Variants in SLC12A8 observed in about 807,000 individuals in gnomAD.
The protein encoded by SLC12A8 is cation-chloride cotransporter 9.
SLC12A8 carries 69 observed loss-of-function variants against 75.6 expected under a neutral mutation model. The observed-to-expected ratio is 0.91, with a 90% CI of 0.75 to 1.11. SLC12A8 has a LOEUF of 1.11. SLC12A8 is among the 50% of genes most tolerant of loss of function. The pLI, the probability that SLC12A8 is intolerant of heterozygous loss-of-function variation, is 0.00. For synonymous variants in SLC12A8, 365 were observed against 372.8 expected (o/e 0.98, Z 0.24); for missense variants, 877 against 896.7 (o/e 0.98, Z 0.28).
chr3:125,102,486 G>A (rs1031455055), intron 10 of SLC12A8, among the ~76,000 whole-genome samples: 1 of 152,164 alleles, frequency 6.6e-6, no homozygotes, highest in African/African-American at 2.4e-5. Flanking sequence ...GAGACATGAT[G>A]AGAGTTTTAT....
At chr3:125,155,625 G>GCGGGCAA (rs538840861) in intron 5 of SLC12A8, among the ~76,000 whole-genome samples, 1 of 119,586 alleles carries the variant, frequency 8.4e-6, no homozygotes, top group African/African-American at 3.0e-5. Context: ...CAAAAAAGTA[G>GCGGGCAA]CTGTAGTCCC....
chr3:125,144,947 C>T (rs1933735991), intron 5 of SLC12A8, among the ~76,000 whole-genome samples: 1 of 152,226 alleles, frequency 6.6e-6, no homozygotes, highest in South Asian at 2.1e-4. Flanking sequence ...GCTCAGACCC[C>T]TTCCCCACCA....
intron 10 of SLC12A8, among the ~76,000 whole-genome samples, chr3:125,104,345 G>A (rs553301940): frequency 6.6e-6 from 1 of 151,736 alleles, no homozygotes; most frequent in Admixed American, 6.6e-5. Flanking sequence ...CTGGCCTCAG[G>A]TGATCCTCCT....
chr3:125,121,421 G>C (rs1933058064), intron 6 of SLC12A8, among the ~76,000 whole-genome samples: 1 of 152,232 alleles, frequency 6.6e-6, no homozygotes, highest in South Asian at 2.1e-4. Flanking sequence ...TAACAACTCA[G>C]TGTGATGGGC....
At chr3:125,182,360 G>T (rs1241226076) in intron 4 of SLC12A8, among the ~76,000 whole-genome samples, 1 of 151,566 alleles carries the variant, frequency 6.6e-6, no homozygotes, top group Non-Finnish European at 1.5e-5. Context: ...ATGGAGAATA[G>T]AAATGAGCCA....
chr3:125,100,080 A>G (rs1938828861), intron 10 of SLC12A8, among the ~76,000 whole-genome samples: 1 of 152,258 alleles, frequency 6.6e-6, no homozygotes, highest in Non-Finnish European at 1.5e-5. Context: ...ACTTCAAGAC[A>G]AAAATGATCC....
At chr3:125,144,037 TGG>T (rs1933712719) in intron 5 of SLC12A8, among the ~76,000 whole-genome samples, 1 of 152,218 alleles carries the variant, frequency 6.6e-6, no homozygotes, top group South Asian at 2.1e-4. Flanking sequence ...TTTCTCATAA[TGG>T]CCTTGGGGTC....
intron 10 of SLC12A8, among the ~76,000 whole-genome samples, chr3:125,094,767 T>C (rs1938671485): frequency 6.6e-6 from 1 of 152,226 alleles, no homozygotes; most frequent in African/African-American, 2.4e-5. Context: ...ATCCCATTAT[T>C]TCCTCAACCC....
intron 5 of SLC12A8, among the ~76,000 whole-genome samples, chr3:125,138,918 G>A (rs1411742523): frequency 6.6e-6 from 1 of 151,590 alleles, no homozygotes; most frequent in East Asian, 1.9e-4. Context: ...AGCTACTCAA[G>A]AGGCTGGGGT....
At chr3:125,093,918 A>T (rs1938646584) in intron 10 of SLC12A8, among the ~76,000 whole-genome samples, 1 of 152,102 alleles carries the variant, frequency 6.6e-6, no homozygotes, top group African/African-American at 2.4e-5. Context: ...TTGCTTGTTA[A>T]ATATTTCAGC....
chr3:125,094,248 T>C (rs965218645), intron 10 of SLC12A8, among the ~76,000 whole-genome samples: 5 of 152,280 alleles, frequency 3.3e-5, no homozygotes, highest in African/African-American at 9.6e-5. Context: ...TTTAGATAGT[T>C]TGCCTTAGTA....
chr3:125,085,028 A>G (rs751846832), intron 13 of SLC12A8, among the ~76,000 whole-genome samples: 1 of 152,246 alleles, frequency 6.6e-6, no homozygotes, highest in Non-Finnish European at 1.5e-5. Flanking sequence ...GAAAGTTTCA[A>G]CGGACTCTGG....
intron 5 of SLC12A8, among the ~76,000 whole-genome samples, chr3:125,155,285 G>C (rs969688875): frequency 6.6e-6 from 1 of 152,018 alleles, no homozygotes; most frequent in African/African-American, 2.4e-5. Context: ...AATTGACCCA[G>C]GACTTTTTTC....
intron 6 of SLC12A8, among the ~76,000 whole-genome samples, chr3:125,126,312 A>G (rs1452623760): frequency 1.3e-5 from 2 of 152,202 alleles, no homozygotes; most frequent in African/African-American, 4.8e-5. Context: ...GTTTCGATGG[A>G]TGGCACCAGG....
intron 8 of SLC12A8, among the ~76,000 whole-genome samples, chr3:125,117,535 G>A (rs1252733580): frequency 1.3e-5 from 2 of 152,090 alleles, no homozygotes; most frequent in Non-Finnish European, 2.9e-5. Context: ...AGTTGAGGCT[G>A]TAATGAGCCA....
chr3:125,132,896 A>G (rs1486827774), intron 6 of SLC12A8, among the ~76,000 whole-genome samples: 1 of 152,192 alleles, frequency 6.6e-6, no homozygotes, highest in Non-Finnish European at 1.5e-5. Context: ...CAAGTCAGAG[A>G]GTAGGAGGGA....
intron 10 of SLC12A8, among the ~76,000 whole-genome samples, chr3:125,105,430 T>C (rs1303275939): frequency 6.6e-6 from 1 of 152,014 alleles, no homozygotes; most frequent in Admixed American, 6.6e-5. Context: ...AAGAAAAGAA[T>C]ACATTTCTGA....
chr3:125,105,680 CTG>C (rs1939003951), intron 10 of SLC12A8, among the ~76,000 whole-genome samples: 1 of 152,096 alleles, frequency 6.6e-6, no homozygotes, highest in African/African-American at 2.4e-5. Context: ...TAATAAAAAA[CTG>C]TGAGATAACT....
intron 10 of SLC12A8, 77 bp from the exon 11 acceptor site, chr3:125,092,275 C>G (rs1354954982): frequency 4.9e-5 from 45 of 925,604 alleles, no homozygotes; most frequent in Non-Finnish European, 2.2e-5. Context: ...TACCTATGAG[C>G]TCCTCTTCCC....
Sources: gnomAD v4.1 joint callset for allele counts (sites outside exome capture counted in the v4.1 genomes callset) on GRCh38, gnomAD v4.1.1 for gene constraint, MANE v1.5 for transcripts, NCBI Gene and HGNC (gene_info 2026-07-23, HGNC 2026-07-21) for gene names.